DAPK2: variants seen among roughly 807,000 people sequenced by gnomAD.
The protein encoded by DAPK2 is death associated protein kinase 2.
A neutral mutation model predicts 44.1 loss-of-function variants in DAPK2; 35 were observed. The ratio of observed to expected loss-of-function variants is 0.79; its 90% CI spans 0.61 to 1.05. The LOEUF (loss-of-function observed/expected upper bound fraction) is 1.05, where lower values mean the gene tolerates loss of function less well. DAPK2 is among the 50% of genes least tolerant of loss of function. The pLI is 0.00. For synonymous variants in DAPK2, 174 were observed against 182.6 expected, an observed-to-expected ratio of 0.95 and a Z score of 0.38; for missense variants, 453 against 483.2, an observed-to-expected ratio of 0.94 and a Z score of 0.59.
At chr15:63,972,643 T>C (rs1397227016) in intron 2 of DAPK2, among the ~76,000 whole-genome samples, 7 of 152,184 alleles carry the variant, frequency 4.6e-5, no homozygotes, top group African/African-American at 1.4e-4. Context: ...TTGTAAGCAA[T>C]AAAAATGGAA....
chr15:63,919,996 G>A (rs565835873), intron 8 of DAPK2: 3 of 152,324 alleles, frequency 2.0e-5, no homozygotes, highest in South Asian at 4.1e-4. Flanking sequence ...CAGGTCATTT[G>A]AACCAATTCT....
At position 63,924,696 on chromosome 15, in the gene DAPK2, C is replaced by T. The variant is rs1315569172; in HGVS notation, c.858+120G>A. On this transcript the variant is annotated intron_variant, in intron 8 of 10. Transcript: ENST00000261891. ...GCCCCTGGCTAGCTTTCATCTGTGC[C>T]CAGGGTCAGTGTTTAAAGCAAAGGC... is the stretch of plus-strand genomic sequence containing the variant. 5 of 1,105,340 alleles carry T rather than the reference C, an allele frequency of 4.5e-6. No homozygotes were observed. The African/African-American group carries it at 6.3e-5, about 14-fold the overall frequency. The allele number at this position is 1,105,340 out of a possible 1,614,324, so 68.5% of individuals were successfully genotyped here. A position where few individuals can be genotyped will look rare whatever the true frequency, so the allele number is the denominator to read the frequency against.
intron 10 of DAPK2, among the ~76,000 whole-genome samples, chr15:63,910,464 C>T (rs1320662056): frequency 2.6e-5 from 4 of 152,336 alleles, no homozygotes; most frequent in Non-Finnish European, 4.4e-5. Flanking sequence ...GCTCCATAAG[C>T]GGGGGGAGGG....
At chr15:64,004,615 T>C (rs552908289) in intron 1 of DAPK2, among the ~76,000 whole-genome samples, 1 of 152,336 alleles carries the variant, frequency 6.6e-6, no homozygotes, top group African/African-American at 2.4e-5. Context: ...GATAGGGGTC[T>C]CTGCTAGGCC....
Position 63,961,924 on chromosome 15 carries a change from A to T in DAPK2, c.453+9499T>A, listed in dbSNP as rs1219327603. 2.6e-5 allele frequency among the ~76,000 whole-genome samples: 4 copies of T among 152,234 alleles called. No individual in the cohort carries two copies. The East Asian group carries it at 7.7e-4, about 29-fold the overall frequency. On this transcript the variant is annotated intron_variant, in intron 3 of 10. Transcript: ENST00000261891. ...GGTTGGGGAAGTTCTACTGGATAAT[A>T]TCCTGAAGAGTGTTTTCCAACCTGG...
chr15:63,969,467 A>T (rs556372401), intron 3 of DAPK2, among the ~76,000 whole-genome samples: 2 of 151,908 alleles, frequency 1.3e-5, no homozygotes, highest in African/African-American at 4.8e-5. Context: ...GGCCAGACGC[A>T]GTGGCTCATG....
At chr15:64,046,383 G>GGCGGGCGCGGCGGGCTCGGCGGGCA (rs1555485912), upstream of DAPK2, 1 of 700,122 alleles carries the variant, frequency 1.4e-6, no homozygotes, top group Admixed American at 6.4e-5. This position sits in a 1 kb window ranked among gnomAD's most constrained non-coding sequence, Gnocchi z 5.3. Flanking sequence ...CGCGGCGGGC[G>GGCGGGCGCGGCGGGCTCGGCGGGCA]CGGCGGGAAC....
chr15:63,933,522 C>T (rs1269900512), intron 4 of DAPK2, among the ~76,000 whole-genome samples: 2 of 151,854 alleles, frequency 1.3e-5, no homozygotes, highest in African/African-American at 2.4e-5. Context: ...GGATTACAGG[C>T]GTGAGCCACA....
At chr15:63,910,334 C>T (rs1021314595) in intron 10 of DAPK2, among the ~76,000 whole-genome samples, 19 of 152,124 alleles carry the variant, frequency 1.2e-4, no homozygotes, top group African/African-American at 4.3e-4. Context: ...TAGGTCTAGC[C>T]GTGCATCATA....
intron 3 of DAPK2, among the ~76,000 whole-genome samples, chr15:63,954,743 G>A (rs1159485441): frequency 2.0e-5 from 3 of 152,148 alleles, no homozygotes; most frequent in Non-Finnish European, 4.4e-5. Context: ...GCTTTAGGTA[G>A]TATGGACATT....
chr15:63,994,183 T>C (rs144027871), intron 1 of DAPK2, among the ~76,000 whole-genome samples: 4,475 of 152,124 alleles, frequency 0.029, 93 homozygotes, highest in South Asian at 0.064. Context: ...GTAAGAGGTG[T>C]TATCTTCATA....
At chr15:63,922,375 T>G in intron 8 of DAPK2, 2 of 1,044,320 alleles carry the variant, frequency 1.9e-6, no homozygotes, top group Non-Finnish European at 2.3e-6. Flanking sequence ...GTCCATAAGG[T>G]ATGTAGGCAG....
chr15:64,002,108 A>G (rs1374298302), intron 1 of DAPK2, among the ~76,000 whole-genome samples: 3 of 152,232 alleles, frequency 2.0e-5, no homozygotes, highest in African/African-American at 7.2e-5. Context: ...TCATGGGGAC[A>G]GGTATTGCCA....
chr15:64,025,960 T>C (rs1422980704), intron 1 of DAPK2, among the ~76,000 whole-genome samples: 2 of 152,208 alleles, frequency 1.3e-5, no homozygotes, highest in Non-Finnish European at 2.9e-5. Context: ...CCAGGGCCAC[T>C]CACACACAGG....
At chr15:63,963,919 G>T (rs943726776) in intron 3 of DAPK2, among the ~76,000 whole-genome samples, 4 of 152,026 alleles carry the variant, frequency 2.6e-5, no homozygotes, top group Non-Finnish European at 4.4e-5. Context: ...TGTCTGTCTT[G>T]AAACATTGTA....
At position 63,939,379 on chromosome 15, in the gene DAPK2, GA is replaced by G. The variant is rs760256945; in HGVS notation, c.454-19del. Reference sequence around the variant, plus strand: ...TTTTCTGGCTGGACAACAAAAAGTAGAAAAAAAAAAAAGGAAGGAAGAAAAG... The same window carrying G: ...TTTTCTGGCTGGACAACAAAAAGTAGAAAAAAAAAAAGGAAGGAAGAAAAG... On this transcript the variant is annotated intron_variant, in intron 3 of 10. Coordinates refer to ENST00000261891, the Ensembl canonical transcript of DAPK2. The surrounding 1 kb of genome is among the most constrained non-coding windows in gnomAD (Gnocchi z 4.3). 0.053 allele frequency: 45,736 copies of G among 865,942 alleles called. No individual in the cohort carries two copies. The highest frequency in any genetic ancestry group is 0.089 in the South Asian group (3,485 of 39,168). The allele number at this position is 865,942 out of a possible 1,614,324, so 53.6% of individuals were successfully genotyped here.
chr15:63,961,748 G>A (rs765587273), intron 3 of DAPK2, among the ~76,000 whole-genome samples: 2 of 152,282 alleles, frequency 1.3e-5, no homozygotes, highest in African/African-American at 2.4e-5. Context: ...TGGGTAACCC[G>A]ACCTTTCTCT....
chr15:64,030,182 G>A (rs907422502), intron 1 of DAPK2, among the ~76,000 whole-genome samples: 4 of 152,136 alleles, frequency 2.6e-5, no homozygotes, highest in African/African-American at 7.2e-5. Flanking sequence ...CAGCTACTGG[G>A]GAGGCTGAGG....
intron 1 of DAPK2, among the ~76,000 whole-genome samples, chr15:64,016,895 GGAA>G (rs2079548075): frequency 7.6e-6 from 1 of 131,834 alleles, no homozygotes; most frequent in African/African-American, 2.8e-5. Context: ...AAGGAAGGAA[GGAA>G]GGACGGACAT....
Sources: gnomAD v4.1 joint callset for allele counts (sites outside exome capture counted in the v4.1 genomes callset) on GRCh38, gnomAD v4.1.1 for gene constraint, Gnocchi (gnomAD v3.1) non-coding constraint, MANE v1.5 for transcripts, NCBI Gene and HGNC (gene_info 2026-07-23, HGNC 2026-07-21) for gene names.